ROBO2: variants seen among roughly 807,000 people sequenced by gnomAD.
ROBO2 encodes the protein roundabout homolog 2.
In ROBO2, 53 loss-of-function variants were observed where a neutral mutation model predicts 160.8. The ratio of observed to expected loss-of-function variants is 0.33; its 90% confidence interval spans 0.26 to 0.41. ROBO2 has a LOEUF of 0.41. Among genes scored for constraint, ROBO2 ranks in the 10% least tolerant of loss-of-function variants. The probability of loss-of-function intolerance (pLI) is 1.00; values close to 1 mark genes in which losing one functional copy is unlikely to be tolerated. For synonymous variants in ROBO2, 664 were observed against 611.7 expected, an observed-to-expected ratio of 1.09 and a Z score of -1.26; for missense variants, 1,577 against 1,722.4, an observed-to-expected ratio of 0.92 and a Z score of 1.49.
At chr3:77,582,729 A>C (rs546108180) in intron 16 of ROBO2, among the ~76,000 whole-genome samples, 3 of 152,238 alleles carry the variant, frequency 2.0e-5, no homozygotes, top group East Asian at 1.9e-4. Flanking sequence ...CTATGTAATA[A>C]ACAGCAATAT....
intron 2 of ROBO2, among the ~76,000 whole-genome samples, chr3:76,711,786 G>A (rs1373336790): frequency 6.6e-6 from 1 of 152,122 alleles, no homozygotes; most frequent in Non-Finnish European, 1.5e-5. Flanking sequence ...TCTGCTTCAC[G>A]CTTTGACCCC....
chr3:76,657,020 T>A (rs2091562069), intron 2 of ROBO2, among the ~76,000 whole-genome samples: 1 of 152,200 alleles, frequency 6.6e-6, no homozygotes, highest in South Asian at 2.1e-4. Flanking sequence ...AGCACCTTGC[T>A]TAGTTTTCCT....
At chr3:76,352,595 T>G (rs1463163037) in intron 2 of ROBO2, among the ~76,000 whole-genome samples, 2 of 152,002 alleles carry the variant, frequency 1.3e-5, no homozygotes, top group African/African-American at 4.8e-5. Flanking sequence ...TTTGTGACTA[T>G]TACCTCACTA....
In ROBO2 at chr3:76,273,120, A is replaced by C. The variant is rs7355863; in HGVS notation, c.109+335518A>C. 6.4e-3 allele frequency among the ~76,000 whole-genome samples: 207 copies of C among 32,330 alleles called. 6 individuals carry two copies. The highest frequency in any genetic ancestry group is 0.03 in the East Asian group (73 of 2,404). 21.2% of individuals were successfully genotyped at this position (32,330 alleles called of 152,430 possible). A position where few individuals can be genotyped will look rare whatever the true frequency, so the allele number is the denominator to read the frequency against. On this transcript the variant is annotated intron_variant, in intron 2 of 26. Transcript: ENST00000487694. ...ACACACATATACACACACACATATA[A>C]ATATATATATATATATATATATATA...
intron 2 of ROBO2, among the ~76,000 whole-genome samples, chr3:77,466,352 G>A (rs181632602): frequency 1.5e-3 from 229 of 152,204 alleles, no homozygotes; most frequent in Non-Finnish European, 2.4e-3. Flanking sequence ...TGTGGAATAT[G>A]TTTTTAAAAT....
chr3:76,064,200 A>G (rs2068164524), intron 2 of ROBO2, among the ~76,000 whole-genome samples: 1 of 152,202 alleles, frequency 6.6e-6, no homozygotes. Context: ...CCACACTCAG[A>G]TTCCTGACCC....
At chr3:76,085,116 T>TACACAC (rs60546446) in intron 2 of ROBO2, among the ~76,000 whole-genome samples, 3 of 135,774 alleles carry the variant, frequency 2.2e-5, no homozygotes, top group African/African-American at 5.5e-5. Context: ...TATATATATA[T>TACACAC]ACACACACAC....
At chr3:76,186,001 AC>A (rs1701745582) in intron 2 of ROBO2, among the ~76,000 whole-genome samples, 1 of 147,384 alleles carries the variant, frequency 6.8e-6, no homozygotes, top group Non-Finnish European at 1.5e-5. Context: ...GGGTTTTATC[AC>A]AGCTCACTGC....
chr3:77,016,569 C>T (rs1483469813), intron 2 of ROBO2, among the ~76,000 whole-genome samples: 1 of 152,112 alleles, frequency 6.6e-6, no homozygotes, highest in Non-Finnish European at 1.5e-5. Flanking sequence ...TAGGTTGAAT[C>T]ATACAAAATG....
chr3:76,686,365 A>T (rs1185169843), intron 2 of ROBO2, among the ~76,000 whole-genome samples: 2 of 152,132 alleles, frequency 1.3e-5, no homozygotes, highest in Non-Finnish European at 2.9e-5. Flanking sequence ...CTGCCAAATC[A>T]ATTTATTCAG....
intron 2 of ROBO2, among the ~76,000 whole-genome samples, chr3:77,432,878 C>A (rs1195907900): frequency 8.5e-5 from 13 of 152,116 alleles, no homozygotes; most frequent in Admixed American, 8.5e-4. Flanking sequence ...AGTGGTACAA[C>A]TTCATGTGGC....
At chr3:77,504,875 T>C (rs148682072) in intron 5 of ROBO2, among the ~76,000 whole-genome samples, 185 of 152,304 alleles carry the variant, frequency 1.2e-3, no homozygotes, top group African/African-American at 4.4e-3. Context: ...TAAAAGATAG[T>C]CTATTCCTAT....
intron 2 of ROBO2, among the ~76,000 whole-genome samples, chr3:75,967,202 G>A (rs1326223475): frequency 6.6e-6 from 1 of 151,566 alleles, no homozygotes; most frequent in Admixed American, 6.6e-5. Flanking sequence ...ATCTCAAGCT[G>A]AAATGACTGT....
At chr3:77,400,226 G>T (rs962926117) in intron 2 of ROBO2, among the ~76,000 whole-genome samples, 1 of 152,104 alleles carries the variant, frequency 6.6e-6, no homozygotes, top group African/African-American at 2.4e-5. Flanking sequence ...AAATGATAGG[G>T]TTAGCTCAAA....
chr3:77,369,913 C>T lies in ROBO2; in HGVS notation c.389-107501C>T, dbSNP rs149595622. On this transcript the variant is annotated intron_variant, in intron 2 of 25. Coordinates refer to ENST00000461745, the Ensembl canonical transcript of ROBO2. ...GAGACAGTGATATTTGAAAAGTCAT[C>T]CACACATAGTGAAACCATTAATAAT... Among the ~76,000 whole-genome samples, 32 of 152,242 alleles carry T rather than the reference C, an allele frequency of 2.1e-4. No homozygotes were observed. In the East Asian group the frequency reaches 6.2e-3, roughly 29 times the overall value.
intron 1 of ROBO2, among the ~76,000 whole-genome samples, chr3:77,076,611 C>A (rs1189591675): frequency 1.3e-5 from 2 of 152,054 alleles, no homozygotes; most frequent in African/African-American, 4.8e-5. Context: ...TATATGGAAT[C>A]TTTACAAATG....
chr3:76,035,972 C>T (rs1176689670), intron 2 of ROBO2, among the ~76,000 whole-genome samples: 3 of 151,950 alleles, frequency 2.0e-5, no homozygotes, highest in Admixed American at 6.6e-5. Context: ...CGAAGAATTA[C>T]TTCCTTCAAA....
chr3:77,223,849 C>T (rs2086142134), intron 2 of ROBO2, among the ~76,000 whole-genome samples: 2 of 146,684 alleles, frequency 1.4e-5, no homozygotes, highest in South Asian at 4.4e-4. Flanking sequence ...AAAATTATAT[C>T]AGTCTGATTT....
At chr3:76,970,902 C>T (rs1559782278) in intron 2 of ROBO2, among the ~76,000 whole-genome samples, 1 of 152,064 alleles carries the variant, frequency 6.6e-6, no homozygotes, top group East Asian at 1.9e-4. Context: ...CCATTCATGG[C>T]AAACTTATGA....
Sources: allele counts gnomAD v4.1 joint callset (sites outside exome capture counted in the v4.1 genomes callset), GRCh38; gene constraint gnomAD v4.1.1; transcripts MANE v1.5; gene names NCBI Gene and HGNC (gene_info 2026-07-23, HGNC 2026-07-21).